The following SLC7A8 variants were observed in gnomAD, a reference collection of about 807,000 sequenced individuals.
SLC7A8 encodes large neutral amino acids transporter small subunit 2.
In SLC7A8, 30 loss-of-function variants were observed where a neutral mutation model predicts 51.2. The observed-to-expected ratio is 0.59, with a 90% CI of 0.44 to 0.80. The LOEUF is 0.80. Ranked by LOEUF, SLC7A8 falls within the 30% of genes least tolerant of loss-of-function variation. The probability of loss-of-function intolerance (pLI) is 0.00; values close to 1 mark genes in which losing one functional copy is unlikely to be tolerated. For synonymous variants in SLC7A8, 257 were observed against 275.8 expected, an observed-to-expected ratio of 0.93 and a Z score of 0.67; for missense variants, 612 against 674.4, an observed-to-expected ratio of 0.91 and a Z score of 1.03.
intron 1 of SLC7A8, among the ~76,000 whole-genome samples, chr14:23,176,097 A>G (rs772008683): frequency 1.3e-5 from 2 of 152,228 alleles, no homozygotes; most frequent in African/African-American, 2.4e-5. Flanking sequence ...AAACTCAAGA[A>G]GCAGTTTTCA....
At chr14:23,139,643 G>T in intron 5 of SLC7A8, 96 bp from the exon 6 acceptor site, 1 of 1,437,170 alleles carries the variant, frequency 7.0e-7, no homozygotes, top group Non-Finnish European at 9.3e-7. Flanking sequence ...CTGCATGCGT[G>T]TAGCCTTACA....
Position 23,182,964 on chromosome 14 carries a change from G to T in SLC7A8, c.-50C>A, listed in dbSNP as rs1178141607. The T allele has an allele frequency of 4.3e-6, 7 of 1,610,048 alleles. No homozygotes were observed. The highest frequency in any genetic ancestry group is 5.9e-6 in the Non-Finnish European group (7 of 1,177,044). The stretch of plus-strand genomic sequence containing the variant: ...AAAAGCTGCCTCCCTTTCTAAATGC[G>T]TATTCGTGTAAATATATTGGGAGAG... On this transcript the variant is annotated 5_prime_UTR_variant, in exon 1 of 11. Coordinates refer to ENST00000316902, the MANE Select transcript of SLC7A8 (RefSeq NM_012244.4).
At chr14:23,180,091 A>G (rs1158102914) in intron 1 of SLC7A8, among the ~76,000 whole-genome samples, 2 of 152,026 alleles carry the variant, frequency 1.3e-5, no homozygotes, top group Non-Finnish European at 1.5e-5. Context: ...ATTTTTTAGT[A>G]GAGACGAGGT....
chr14:23,127,076 G>T lies in SLC7A8; in HGVS notation c.*101C>A. 1 of 1,193,656 alleles carries T rather than the reference G, an allele frequency of 8.4e-7. No individual in the cohort carries two copies. The highest frequency in any genetic ancestry group is 1.1e-6 in the Non-Finnish European group (1 of 874,890). The allele number at this position is 1,193,656 out of a possible 1,614,324, so 73.9% of individuals were successfully genotyped here. The stretch of plus-strand genomic sequence containing the variant: ...GTCCTACCACTGCCTGACAAAAGCA[G>T]AGAGAGGGGTGTGTGTGTACTCGCA... On this transcript the variant is annotated 3_prime_UTR_variant, in exon 11 of 11. Transcript: ENST00000316902.
chr14:23,159,725 G>GGCAGTTGGA, intron 3 of SLC7A8, among the ~76,000 whole-genome samples: 1 of 152,352 alleles, frequency 6.6e-6, no homozygotes, highest in Admixed American at 6.5e-5. Context: ...TTCTGCACCA[G>GGCAGTTGGA]GCAGTTGGAG....
At chr14:23,174,933 G>A (rs1473403380) in intron 1 of SLC7A8, among the ~76,000 whole-genome samples, 2 of 152,124 alleles carry the variant, frequency 1.3e-5, no homozygotes, top group Non-Finnish European at 2.9e-5. Flanking sequence ...ATACTCCTGG[G>A]ATCATTTGCA....
intron 6 of SLC7A8, among the ~76,000 whole-genome samples, chr14:23,139,050 T>C (rs2048717173): frequency 6.6e-6 from 1 of 152,222 alleles, no homozygotes; most frequent in African/African-American, 2.4e-5. Flanking sequence ...CAAGATTATG[T>C]CTTTCTGAGG....
intron 3 of SLC7A8, among the ~76,000 whole-genome samples, chr14:23,158,019 C>T (rs1170125281): frequency 6.6e-6 from 1 of 152,154 alleles, no homozygotes; most frequent in Non-Finnish European, 1.5e-5. Context: ...TTACCCGCGG[C>T]ATCAATAGAG....
chr14:23,164,270 G>T (rs1366507764), intron 3 of SLC7A8, among the ~76,000 whole-genome samples: 1 of 152,252 alleles, frequency 6.6e-6, no homozygotes, highest in Non-Finnish European at 1.5e-5. Context: ...AAAAGAGTGT[G>T]ACTTGACAAG....
At chr14:23,145,449 C>T (rs2048784882) in intron 3 of SLC7A8, among the ~76,000 whole-genome samples, 1 of 150,476 alleles carries the variant, frequency 6.6e-6, no homozygotes, top group Non-Finnish European at 1.5e-5. Context: ...ATCACTTGTA[C>T]CCGGGAGGCG....
chr14:23,164,076 G>A (rs1489144855), intron 3 of SLC7A8, among the ~76,000 whole-genome samples: 8 of 151,840 alleles, frequency 5.3e-5, no homozygotes, highest in African/African-American at 1.5e-4. Flanking sequence ...AGGGTCAATC[G>A]ACCCTCCTAC....
intron 3 of SLC7A8, among the ~76,000 whole-genome samples, chr14:23,143,581 C>T (rs2048764828): frequency 6.6e-6 from 1 of 152,184 alleles, no homozygotes; most frequent in African/African-American, 2.4e-5. Context: ...AGGAAGCCAC[C>T]TTCCTGAGCC....
intron 3 of SLC7A8, among the ~76,000 whole-genome samples, chr14:23,147,478 T>C (rs2048808009): frequency 6.6e-6 from 1 of 152,216 alleles, no homozygotes; most frequent in Non-Finnish European, 1.5e-5. Flanking sequence ...GAATCAGAGA[T>C]GCCTTCTATA....
chr14:23,128,585 G>A lies in SLC7A8; in HGVS notation c.1264-389C>T, dbSNP rs1029182210. On this transcript the variant is annotated intron_variant, in intron 9 of 10. Coordinates refer to ENST00000316902, the MANE Select transcript of SLC7A8 (RefSeq NM_012244.4). This position sits in a 1 kb window ranked among gnomAD's most constrained non-coding sequence, Gnocchi z 4.3. ...TCTGCTGAGGTCCTAGGGTGGAGGG[G>A]AGGTGTGGCAATGCACAAGGTGCAG... is the stretch of plus-strand genomic sequence containing the variant. Among the ~76,000 whole-genome samples the A allele has an allele frequency of 6.6e-6, 1 of 152,236 alleles. No homozygotes were observed. The highest frequency in any genetic ancestry group is 1.5e-5 in the Non-Finnish European group (1 of 68,044).
chr14:23,131,336 C>T, intron 8 of SLC7A8, 125 bp downstream of exon 8: 2 of 662,898 alleles, frequency 3.0e-6, no homozygotes, highest in East Asian at 6.0e-5. Context: ...CCTCTAAGAT[C>T]CAGTGAGACC....
intron 1 of SLC7A8, among the ~76,000 whole-genome samples, chr14:23,179,041 G>A (rs936917978): frequency 2.0e-5 from 3 of 151,526 alleles, no homozygotes; most frequent in Non-Finnish European, 4.4e-5. Flanking sequence ...TTTTTTTTAC[G>A]GACACAATCT....
At chr14:23,143,747 A>G (rs1261922279) in intron 3 of SLC7A8, among the ~76,000 whole-genome samples, 1 of 152,234 alleles carries the variant, frequency 6.6e-6, no homozygotes, top group Non-Finnish European at 1.5e-5. Context: ...CACTTCATAT[A>G]TAGAACATTC....
At chr14:23,131,664 A>T (rs1210883069) in intron 7 of SLC7A8, 107 bp from the exon 8 acceptor site, 1 of 739,196 alleles carries the variant, frequency 1.4e-6, no homozygotes, top group Non-Finnish European at 2.1e-6. Flanking sequence ...CCCCACTCCA[A>T]CCAGGCACCC....
chr14:23,143,147 A>T lies in SLC7A8; in HGVS notation c.566T>A (p.Ile189Asn). ...SVRWATRVQD[I>N]FTAGKLLALA... is the part of the protein sequence containing the mutation. The stretch of plus-strand genomic sequence containing the variant: ...GGCCAGGAGCTTCCCAGCTGTGAAG[A>T]TGTCTTGAACCCGGGTGGCCCACCG... Residue 189 changes from isoleucine to asparagine, a missense_variant, in exon 4 of 11, where the codon ATC becomes AAC. Ile to Asn is a moderately radical substitution (Grantham distance 149, BLOSUM62 -3). Transcript: ENST00000316902. The T allele has an allele frequency of 6.2e-7, 1 of 1,614,184 alleles. No homozygotes were observed. Among genetic ancestry groups the T allele is most frequent in the Non-Finnish European group, 8.5e-7 (1 of 1,180,032 alleles).
Sources: gnomAD v4.1 joint callset for allele counts (sites outside exome capture counted in the v4.1 genomes callset) on GRCh38, gnomAD v4.1.1 for gene constraint, Gnocchi (gnomAD v3.1) non-coding constraint, MANE v1.5 for transcripts, NCBI Gene and HGNC (gene_info 2026-07-23, HGNC 2026-07-21) for gene names.